The following KLRG1 variants were observed in gnomAD, a reference collection of about 807,000 sequenced individuals.
KLRG1 encodes the protein killer cell lectin-like receptor subfamily G member 1.
KLRG1 carries 16 observed loss-of-function variants against 21.8 expected under a neutral mutation model. That is an observed-to-expected ratio of 0.73 (90% CI 0.50 to 1.11). The LOEUF (loss-of-function observed/expected upper bound fraction) is 1.11. KLRG1 is among the 50% of genes most tolerant of loss of function. The pLI is 0.00. For missense variants in KLRG1, 173 were observed against 218.3 expected, an observed-to-expected ratio of 0.79 and a Z score of 1.31; for synonymous variants, 69 against 75.9, an observed-to-expected ratio of 0.91 and a Z score of 0.47.
chr12:8,965,919 G>C (rs747863830), intron 1 of KLRG1, among the ~76,000 whole-genome samples: 9 of 152,072 alleles, frequency 5.9e-5, no homozygotes, highest in Non-Finnish European at 1.3e-4. Flanking sequence ...GAGGCATCAC[G>C]CTACCTGAAT....
At chr12:9,173,892 C>A in the KLRG1 span, among the ~76,000 whole-genome samples, 1 of 152,142 alleles carries the variant, frequency 6.6e-6, no homozygotes, top group Non-Finnish European at 1.5e-5. Flanking sequence ...TGAATTCTAC[C>A]ATAGGTACAA....
At chr12:9,165,410 G>GC in the KLRG1 span, 1 of 1,605,110 alleles carries the variant, frequency 6.2e-7, no homozygotes, top group Non-Finnish European at 8.5e-7. Context: ...ATGAATGTAA[G>GC]CCACCTTTTC....
chr12:9,053,616 G>A, the KLRG1 span, among the ~76,000 whole-genome samples: 1 of 151,974 alleles, frequency 6.6e-6, no homozygotes, highest in African/African-American at 2.4e-5. Context: ...GAAGGGAGGG[G>A]GAGAAATGAA....
At chr12:9,194,722 C>T in the KLRG1 span, among the ~76,000 whole-genome samples, 1 of 152,092 alleles carries the variant, frequency 6.6e-6, no homozygotes, top group African/African-American at 2.4e-5. Flanking sequence ...CCTCGGCCTC[C>T]GAAAGTGCTG....
At chr12:9,146,526 T>G in the KLRG1 span, among the ~76,000 whole-genome samples, 1 of 152,212 alleles carries the variant, frequency 6.6e-6, no homozygotes, top group Non-Finnish European at 1.5e-5. Flanking sequence ...ATGTATTTTG[T>G]TCCTCTTTAA....
chr12:9,106,751 A>G, the KLRG1 span: 3 of 469,808 alleles, frequency 6.4e-6, no homozygotes, highest in African/African-American at 5.9e-5. Context: ...TTCTCTAGCA[A>G]CTAAATATTA....
the KLRG1 span, among the ~76,000 whole-genome samples, chr12:9,136,323 T>C: frequency 6.6e-6 from 1 of 152,242 alleles, no homozygotes; most frequent in African/African-American, 2.4e-5. Flanking sequence ...TGGGTAAAAG[T>C]ATTTTCATCT....
the KLRG1 span, among the ~76,000 whole-genome samples, chr12:9,071,207 T>C: frequency 1.3e-5 from 2 of 152,134 alleles, no homozygotes; most frequent in Non-Finnish European, 1.5e-5. Context: ...TTTATTTGTT[T>C]ACTTTTATTT....
chr12:8,962,338 A>G (rs1338865440), intron 1 of KLRG1, among the ~76,000 whole-genome samples: 1 of 152,360 alleles, frequency 6.6e-6, no homozygotes, highest in East Asian at 1.9e-4. Context: ...TGAATATATG[A>G]TGGATGGGAT....
chr12:9,060,317 C>T, the KLRG1 span, among the ~76,000 whole-genome samples: 20 of 152,150 alleles, frequency 1.3e-4, no homozygotes, highest in Non-Finnish European at 2.5e-4. Flanking sequence ...CCATCGCACC[C>T]GGCCCCAGCC....
At chr12:9,147,920 G>A in the KLRG1 span, among the ~76,000 whole-genome samples, 4 of 149,028 alleles carry the variant, frequency 2.7e-5, no homozygotes, top group Admixed American at 2.7e-4. Flanking sequence ...GAGGTGACCA[G>A]TTTTTTTTTT....
the KLRG1 span, among the ~76,000 whole-genome samples, chr12:9,049,481 A>G: frequency 1.3e-5 from 2 of 152,200 alleles, no homozygotes; most frequent in East Asian, 1.9e-4. Flanking sequence ...CTTGTAGAAT[A>G]CATTGTTTCT....
the KLRG1 span, among the ~76,000 whole-genome samples, chr12:9,035,285 A>G: frequency 6.6e-6 from 1 of 152,282 alleles, no homozygotes; most frequent in African/African-American, 2.4e-5. Context: ...GGATGAGTTC[A>G]TGTCCTTTGC....
chr12:9,031,820 T>A, the KLRG1 span, among the ~76,000 whole-genome samples: 110 of 152,356 alleles, frequency 7.2e-4, 1 homozygote, highest in Middle Eastern at 3.4e-3. Context: ...AAATCTTTTC[T>A]GGCTGACAAT....
chr12:9,209,427 T>G, the KLRG1 span, among the ~76,000 whole-genome samples: 1 of 151,988 alleles, frequency 6.6e-6, no homozygotes, highest in Non-Finnish European at 1.5e-5. Context: ...AATTATGAAA[T>G]GTTATATATA....
At chr12:8,969,389 G>A (rs752652539) in intron 1 of KLRG1, among the ~76,000 whole-genome samples, 21 of 152,300 alleles carry the variant, frequency 1.4e-4, no homozygotes, top group Admixed American at 7.2e-4. Context: ...GCAGTCAGCC[G>A]TTCTTGGGAG....
chr12:9,136,924 T>G, the KLRG1 span, among the ~76,000 whole-genome samples: 34 of 152,350 alleles, frequency 2.2e-4, no homozygotes, highest in Non-Finnish European at 4.4e-4. Context: ...ATGTTTTGGA[T>G]AGCAACCCCT....
upstream of KLRG1, among the ~76,000 whole-genome samples, chr12:8,984,897 G>C (rs1361853742): frequency 6.6e-6 from 1 of 152,112 alleles, no homozygotes; most frequent in Non-Finnish European, 1.5e-5. Context: ...TTGAAGAAAA[G>C]TTTTATTGGG....
At chr12:9,004,471 A>G (rs918776247) in intron 3 of KLRG1, among the ~76,000 whole-genome samples, 2 of 152,184 alleles carry the variant, frequency 1.3e-5, no homozygotes, top group African/African-American at 2.4e-5. Context: ...CTTATTAAAC[A>G]TAATTTTTTA....
Sources: gnomAD v4.1 joint callset for allele counts (sites outside exome capture counted in the v4.1 genomes callset) on GRCh38, gnomAD v4.1.1 for gene constraint, MANE v1.5 for transcripts, NCBI Gene and HGNC (gene_info 2026-07-23, HGNC 2026-07-21) for gene names.